UTRN: variants seen among roughly 807,000 people sequenced by gnomAD.
The protein encoded by UTRN is utrophin.
In UTRN, 283 loss-of-function variants were observed where a neutral mutation model predicts 463.9. The observed-to-expected ratio is 0.61, with a 90% CI of 0.55 to 0.67. The LOEUF (loss-of-function observed/expected upper bound fraction) is 0.67. UTRN is among the 30% of genes least tolerant of loss of function. The pLI is 0.00. For missense variants in UTRN, 3,922 were observed against 4,084.3 expected (o/e 0.96, Z 1.08); for synonymous variants, 1,442 against 1,431.5 (o/e 1.01, Z -0.17).
intron 30 of UTRN, among the ~76,000 whole-genome samples, chr6:144,489,771 G>A (rs558464264): frequency 1.9e-4 from 29 of 151,946 alleles, no homozygotes; most frequent in Admixed American, 5.9e-4. Flanking sequence ...ATAGGCGCCC[G>A]CCACCGTGCC....
At chr6:144,638,450 G>A (rs1314279051) in intron 51 of UTRN, among the ~76,000 whole-genome samples, 1 of 152,138 alleles carries the variant, frequency 6.6e-6, no homozygotes, top group Non-Finnish European at 1.5e-5. Flanking sequence ...TATCTCTAGG[G>A]CCTGGATGCT....
chr6:144,458,391 G>A (rs1562430887), intron 19 of UTRN, among the ~76,000 whole-genome samples: 1 of 152,126 alleles, frequency 6.6e-6, no homozygotes, highest in East Asian at 1.9e-4. Context: ...TAGGACAAAG[G>A]GTCTTCTTTC....
chr6:144,780,700 G>A (rs1352244753), intron 60 of UTRN, among the ~76,000 whole-genome samples: 4 of 152,206 alleles, frequency 2.6e-5, no homozygotes, highest in South Asian at 4.2e-4. Flanking sequence ...GGGCCTTTGC[G>A]GGCCTCCCCT....
At chr6:144,305,038 T>A (rs1160252781) in intron 2 of UTRN, among the ~76,000 whole-genome samples, 1 of 152,054 alleles carries the variant, frequency 6.6e-6, no homozygotes, top group Admixed American at 6.6e-5. Context: ...TTCAAACAAT[T>A]CTTGTGCCTC....
intron 51 of UTRN, among the ~76,000 whole-genome samples, chr6:144,612,013 G>A (rs745677101): frequency 3.3e-5 from 5 of 151,956 alleles, no homozygotes; most frequent in African/African-American, 7.3e-5. Context: ...TCATAAAATC[G>A]GCATGCAATT....
In UTRN at chr6:144,835,956, G is replaced by C; in HGVS notation, c.9824+18G>C. 1 of 1,612,020 alleles carries C rather than the reference G, an allele frequency of 6.2e-7. No homozygotes were observed. The highest frequency in any genetic ancestry group is 8.5e-7 in the Non-Finnish European group (1 of 1,179,140). On this transcript the variant is annotated intron_variant, in intron 70 of 74. Transcript: ENST00000367545. The stretch of plus-strand genomic sequence containing the variant: ...GAACAAAGGTGTGCTAGGCCTGGGA[G>C]AAGGAAATATGTCATCCTTTCTTTT...
Position 144,846,831 on chromosome 6 carries a change from A to G in UTRN, c.10293+4A>G. 1 of 1,614,086 alleles carries G rather than the reference A, an allele frequency of 6.2e-7. No homozygotes were observed. On this transcript the variant is annotated splice_donor_region_variant and intron_variant, in intron 74 of 74. Coordinates refer to ENST00000367545, the MANE Select transcript of UTRN (RefSeq NM_007124.3). Reference sequence around the variant, plus strand: ...AAATGTTCCCAGCAGGCCACAGGTAAGAGTTAATGGCTTGGTTGGCTCTAT... The same window carrying G: ...AAATGTTCCCAGCAGGCCACAGGTAGGAGTTAATGGCTTGGTTGGCTCTAT...
At chr6:144,762,999 G>T (rs1006409773) in intron 58 of UTRN, among the ~76,000 whole-genome samples, 5 of 152,108 alleles carry the variant, frequency 3.3e-5, no homozygotes, top group African/African-American at 1.2e-4. Context: ...TTGTGACAAG[G>T]TGTCACCATC....
chr6:144,625,581 G>C (rs1278970617), intron 51 of UTRN, among the ~76,000 whole-genome samples: 2 of 152,214 alleles, frequency 1.3e-5, no homozygotes, highest in Non-Finnish European at 2.9e-5. Context: ...AAAGGAAGTG[G>C]TTGAAAAGCC....
chr6:144,410,588 G>A (rs753800552), intron 3 of UTRN, among the ~76,000 whole-genome samples: 18 of 120,696 alleles, frequency 1.5e-4, no homozygotes, highest in African/African-American at 2.5e-4. Flanking sequence ...TGCACCCCCC[G>A]CCCAGGTCCC....
intron 61 of UTRN, among the ~76,000 whole-genome samples, chr6:144,782,394 T>G (rs549806712): frequency 1.3e-5 from 2 of 152,268 alleles, no homozygotes; most frequent in Non-Finnish European, 2.9e-5. Context: ...GCCAAAATGC[T>G]AGGGGAAACA....
chr6:144,291,737 G>T lies in UTRN; in HGVS notation c.-92G>T. ...TCAGTACTTTCCCTTTTCCTTTTAG[G>T]TATTGATGTCAAGCTGAACCATCGT... On this transcript the variant is annotated splice_region_variant and 5_prime_UTR_variant, in exon 2 of 75. Transcript: ENST00000367545. 1.0e-6 allele frequency: 1 copy of T among 998,398 alleles called. No individual in the cohort carries two copies. The highest frequency in any genetic ancestry group is 1.8e-5 in the South Asian group (1 of 55,602). The allele number at this position is 998,398 out of a possible 1,614,324, so 61.8% of individuals were successfully genotyped here.
chr6:144,534,760 A>C (rs1213249084), intron 43 of UTRN, among the ~76,000 whole-genome samples: 1 of 152,214 alleles, frequency 6.6e-6, no homozygotes, highest in African/African-American at 2.4e-5. Context: ...CATCATTAAA[A>C]AGATAAAGTG....
At chr6:144,589,667 C>T (rs1342599327) in intron 51 of UTRN, among the ~76,000 whole-genome samples, 1 of 152,040 alleles carries the variant, frequency 6.6e-6, no homozygotes, top group African/African-American at 2.4e-5. Flanking sequence ...TATGCATTTC[C>T]TTGTCTAAAG....
At chr6:144,620,576 C>T (rs1230726473) in intron 51 of UTRN, among the ~76,000 whole-genome samples, 1 of 152,054 alleles carries the variant, frequency 6.6e-6, no homozygotes, top group East Asian at 1.9e-4. Flanking sequence ...CAAGATAATA[C>T]TGGTTTTCTT....
intron 2 of UTRN, among the ~76,000 whole-genome samples, chr6:144,389,418 C>G (rs969737357): frequency 3.9e-5 from 6 of 152,150 alleles, no homozygotes; most frequent in African/African-American, 1.4e-4. Flanking sequence ...ATAAGTTTAC[C>G]TGAGTATGCT....
At chr6:144,740,850 G>C (rs1044217763) in intron 54 of UTRN, among the ~76,000 whole-genome samples, 4 of 152,136 alleles carry the variant, frequency 2.6e-5, no homozygotes, top group Non-Finnish European at 5.9e-5. Flanking sequence ...GATAGACATA[G>C]CATTTTCAAT....
rs141263153 is a variant in UTRN at position 144,593,713 on chromosome 6, G to T, written c.7479+16425G>T. On this transcript the variant is annotated intron_variant, in intron 51 of 74. Transcript: ENST00000367545. ...CACAAAAGTATGCTGATTGTATTCA[G>T]AGAACATTGGGTACTTGTCCATCAT... Among the ~76,000 whole-genome samples the T allele has an allele frequency of 1.2e-3, 178 of 152,264 alleles. 3 individuals carry two copies. In the East Asian group the frequency reaches 0.025, roughly 21 times the overall value.
At chr6:144,377,808 T>C (rs893792115) in intron 2 of UTRN, among the ~76,000 whole-genome samples, 1 of 152,226 alleles carries the variant, frequency 6.6e-6, no homozygotes, top group African/African-American at 2.4e-5. Context: ...ATGCCCTTAT[T>C]AGTATTTCTT....
Sources: gnomAD v4.1 joint callset for allele counts (sites outside exome capture counted in the v4.1 genomes callset) on GRCh38, gnomAD v4.1.1 for gene constraint, MANE v1.5 for transcripts, NCBI Gene and HGNC (gene_info 2026-07-23, HGNC 2026-07-21) for gene names.